MARCHF1: variants seen among roughly 807,000 people sequenced by gnomAD.
The protein encoded by MARCHF1 is E3 ubiquitin-protein ligase MARCHF1.
MARCHF1 carries 40 observed loss-of-function variants against 54.2 expected under a neutral mutation model. The ratio of observed to expected loss-of-function variants is 0.74; its 90% CI spans 0.57 to 0.96. The LOEUF (loss-of-function observed/expected upper bound fraction) is 0.96, where lower values mean the gene tolerates loss of function less well. MARCHF1 is among the 40% of genes least tolerant of loss of function. MARCHF1 has a pLI of 0.00. For missense variants in MARCHF1, 586 were observed against 656.5 expected (o/e 0.89, Z 1.17); for synonymous variants, 236 against 236.3 (o/e 1.00, Z 0.01).
intron 4 of MARCHF1, among the ~76,000 whole-genome samples, chr4:163,727,172 T>A (rs1191764051): frequency 2.0e-5 from 3 of 152,216 alleles, no homozygotes; most frequent in African/African-American, 7.2e-5. Context: ...TTCTTCCATT[T>A]TATCCTGTAA....
chr4:164,021,406 C>A (rs1019541355), intron 2 of MARCHF1, among the ~76,000 whole-genome samples: 3 of 152,062 alleles, frequency 2.0e-5, no homozygotes, highest in African/African-American at 7.2e-5. Flanking sequence ...GCTTCACCAT[C>A]CCATTTTTTA....
At chr4:164,198,003 T>G (rs932107153) in intron 1 of MARCHF1, among the ~76,000 whole-genome samples, 1 of 152,186 alleles carries the variant, frequency 6.6e-6, no homozygotes, top group Non-Finnish European at 1.5e-5. Flanking sequence ...CACTCCCCTC[T>G]ACACTACTTA....
chr4:163,746,752 G>A (rs1258850236), intron 4 of MARCHF1, among the ~76,000 whole-genome samples: 2 of 152,006 alleles, frequency 1.3e-5, no homozygotes, highest in Non-Finnish European at 2.9e-5. Flanking sequence ...CTGAGGCTTT[G>A]TTTTCTTAGA....
At chr4:164,099,213 T>A (rs144919342) in intron 2 of MARCHF1, among the ~76,000 whole-genome samples, 127 of 152,214 alleles carry the variant, frequency 8.3e-4, no homozygotes, top group African/African-American at 2.7e-3. Context: ...TGGGATACAA[T>A]CAGGAAAAGT....
chr4:163,906,703 TA>T (rs1033989862), intron 3 of MARCHF1, among the ~76,000 whole-genome samples: 3 of 151,450 alleles, frequency 2.0e-5, no homozygotes, highest in Non-Finnish European at 4.4e-5. Flanking sequence ...CTCAAAGTCC[TA>T]TGAAAGTCTT....
chr4:163,595,928 A>G (rs1234410857), intron 7 of MARCHF1, among the ~76,000 whole-genome samples: 1 of 151,980 alleles, frequency 6.6e-6, no homozygotes, highest in Non-Finnish European at 1.5e-5. Flanking sequence ...TAACCACAAT[A>G]AAGATAAATA....
At chr4:164,150,270 T>C (rs1333730131) in intron 1 of MARCHF1, among the ~76,000 whole-genome samples, 1 of 152,164 alleles carries the variant, frequency 6.6e-6, no homozygotes, top group Admixed American at 6.6e-5. Flanking sequence ...TTTAAAAACT[T>C]TGGGAGTGCT....
chr4:163,553,219 G>A (rs549798234), intron 8 of MARCHF1, among the ~76,000 whole-genome samples: 2 of 152,296 alleles, frequency 1.3e-5, no homozygotes, highest in Admixed American at 1.3e-4. Context: ...ACATGTAAAT[G>A]CAGAACACTA....
chr4:163,904,488 G>C (rs995313400), intron 3 of MARCHF1, among the ~76,000 whole-genome samples: 3 of 152,070 alleles, frequency 2.0e-5, no homozygotes, highest in Non-Finnish European at 4.4e-5. Context: ...ACAAACAGTG[G>C]GTACCTCAAA....
At chr4:163,628,420 G>A (rs1741949780) in intron 5 of MARCHF1, among the ~76,000 whole-genome samples, 1 of 152,140 alleles carries the variant, frequency 6.6e-6, no homozygotes, top group South Asian at 2.1e-4. Flanking sequence ...GGCTATTTAT[G>A]ACAAACCCAC....
At chr4:163,946,438 A>C (rs571080531) in intron 3 of MARCHF1, among the ~76,000 whole-genome samples, 5 of 152,280 alleles carry the variant, frequency 3.3e-5, no homozygotes, top group African/African-American at 1.2e-4. Context: ...AATCTTTTTA[A>C]AAATAAATTT....
At chr4:164,311,999 T>C (rs1734861504) in intron 1 of MARCHF1, among the ~76,000 whole-genome samples, 1 of 152,192 alleles carries the variant, frequency 6.6e-6, no homozygotes, top group Non-Finnish European at 1.5e-5. Flanking sequence ...AGACCCATAA[T>C]CACCACATAT....
chr4:163,546,255 G>C (rs1738902655), intron 8 of MARCHF1, among the ~76,000 whole-genome samples: 1 of 152,138 alleles, frequency 6.6e-6, no homozygotes, highest in Non-Finnish European at 1.5e-5. Flanking sequence ...TGGGATTATA[G>C]GCATGAGCCC....
intron 1 of MARCHF1, among the ~76,000 whole-genome samples, chr4:164,153,244 C>T (rs1197805832): frequency 7.0e-6 from 1 of 143,856 alleles, no homozygotes; most frequent in Non-Finnish European, 1.5e-5. Context: ...CAGTCACTTA[C>T]ACTACCTTAG....
intron 5 of MARCHF1, among the ~76,000 whole-genome samples, chr4:163,619,604 T>C (rs1741614953): frequency 6.6e-6 from 1 of 152,086 alleles, no homozygotes; most frequent in Non-Finnish European, 1.5e-5. Flanking sequence ...GGAATCTATC[T>C]GTCTATATGT....
At chr4:164,291,764 T>C (rs1285414675) in intron 1 of MARCHF1, among the ~76,000 whole-genome samples, 1 of 152,028 alleles carries the variant, frequency 6.6e-6, no homozygotes, top group Non-Finnish European at 1.5e-5. Context: ...AGAAAAGGTA[T>C]AGTAAAAATG....
chr4:164,087,398 A>T (rs56228805), intron 2 of MARCHF1, among the ~76,000 whole-genome samples: 2,500 of 152,086 alleles, frequency 0.016, 75 homozygotes, highest in African/African-American at 0.057. Flanking sequence ...TAATTAGAAA[A>T]TTTTTTAGTC....
intron 3 of MARCHF1, among the ~76,000 whole-genome samples, chr4:163,951,166 G>A (rs1752127349): frequency 6.6e-6 from 1 of 152,114 alleles, no homozygotes; most frequent in African/African-American, 2.4e-5. Flanking sequence ...AAATTGGAGG[G>A]AAAAAGATTT....
chr4:164,100,769 C>G (rs916030008), intron 2 of MARCHF1, among the ~76,000 whole-genome samples: 1 of 152,118 alleles, frequency 6.6e-6, no homozygotes, highest in African/African-American at 2.4e-5. Context: ...CCAAGATGGC[C>G]GAATAGGAAC....
Sources: allele counts gnomAD v4.1 joint callset (sites outside exome capture counted in the v4.1 genomes callset), GRCh38; gene constraint gnomAD v4.1.1; transcripts MANE v1.5; gene names NCBI Gene and HGNC (gene_info 2026-07-23, HGNC 2026-07-21).